Variants in ZNF814 observed in about 807,000 individuals in gnomAD.
ZNF814 encodes zinc finger protein 814.
In ZNF814, 5 loss-of-function variants were observed where a neutral mutation model predicts 7.5. The ratio of observed to expected loss-of-function variants is 0.67; its 90% CI spans 0.35 to 1.40. The LOEUF (loss-of-function observed/expected upper bound fraction) is 1.40, where lower values mean the gene tolerates loss of function less well. ZNF814 is among the 40% of genes most tolerant of loss of function. The pLI is 0.04. For missense variants in ZNF814, 962 were observed against 1,018.0 expected, an observed-to-expected ratio of 0.94 and a Z score of 0.75; for synonymous variants, 315 against 340.7, an observed-to-expected ratio of 0.92 and a Z score of 0.83.
Position 57,872,868 on chromosome 19 carries a change from G to A in ZNF814, c.2522C>T (p.Ser841Phe). The stretch of plus-strand genomic sequence containing the variant: ...TGAACTCTGGTGTACAAGGAGGTGA[G>A]ACTTCTTGTTAAATAATTTCCCACA... ...EKCGKLFNKK[S>F]HLLVHQSSHW... The change falls in exon 3 of 3, where the codon TCT (serine) becomes TTT (phenylalanine). Residue 841 changes from serine to phenylalanine, a missense_variant. Ser to Phe is a radical substitution (Grantham distance 155). This residue lies in a region of ZNF814 where 665 missense variants were observed against 551.4 expected (regional missense o/e 1.21). Coordinates refer to ENST00000435989, the MANE Select transcript of ZNF814 (RefSeq NM_001144989.2). 6.2e-7 allele frequency: 1 copy of A among 1,612,536 alleles called. No individual in the cohort carries two copies. Among genetic ancestry groups the A allele is most frequent in the African/African-American group, 1.3e-5 (1 of 74,710 alleles).
chr19:57,894,954 T>G, the ZNF814 span, among the ~76,000 whole-genome samples: 3 of 152,154 alleles, frequency 2.0e-5, no homozygotes, highest in Admixed American at 2.0e-4. Flanking sequence ...GTTCCCAATG[T>G]TTCACAAGCA....
chr19:57,894,673 CAA>C, the ZNF814 span, among the ~76,000 whole-genome samples: 1 of 144,024 alleles, frequency 6.9e-6, no homozygotes, highest in Admixed American at 6.9e-5. Context: ...ACTAAAAATA[CAA>C]AAAAAAAAAT....
the ZNF814 span, among the ~76,000 whole-genome samples, chr19:57,898,342 A>G: frequency 6.6e-6 from 1 of 152,242 alleles, no homozygotes; most frequent in Non-Finnish European, 1.5e-5. Flanking sequence ...ACAGTAAACA[A>G]ATGATGAGAA....
intron 1 of ZNF814, among the ~76,000 whole-genome samples, chr19:57,877,997 T>C (rs1239395346): frequency 6.6e-6 from 1 of 151,532 alleles, no homozygotes; most frequent in African/African-American, 2.4e-5. Context: ...CAACTTCGGC[T>C]CTACTAAAAA....
rs544155318 is a variant in ZNF814 at position 57,887,959 on chromosome 19, T to C, written c.36+808A>G. Among the ~76,000 whole-genome samples the C allele has an allele frequency of 4.6e-5, 7 of 152,368 alleles. No homozygotes were observed. The South Asian group carries it at 1.5e-3, about 32-fold the overall frequency. On this transcript the variant is annotated intron_variant, in intron 1 of 2. Coordinates refer to ENST00000435989, the MANE Select transcript of ZNF814 (RefSeq NM_001144989.2). ...CCATTTATCCTTTTAATTTTTTGCA[T>C]GTTTTTACTTCTGAAGAGTTGTTGC... is the stretch of plus-strand genomic sequence containing the variant.
At chr19:57,882,694 A>C (rs1345261690) in intron 1 of ZNF814, among the ~76,000 whole-genome samples, 1 of 140,488 alleles carries the variant, frequency 7.1e-6, no homozygotes, top group Admixed American at 7.1e-5. Context: ...GAGTCACAGC[A>C]TTACTGAGTG....
upstream of ZNF814, among the ~76,000 whole-genome samples, chr19:57,890,539 G>C (rs2071729571): frequency 6.6e-6 from 1 of 152,124 alleles, no homozygotes; most frequent in African/African-American, 2.4e-5. Flanking sequence ...TGAAATCATA[G>C]GGAGTCAAAG....
rs960556236 is a variant in ZNF814, at chr19:57,870,937, G to C, written c.*1885C>G. On this transcript the variant is annotated 3_prime_UTR_variant, in exon 3 of 3. Transcript: ENST00000435989. ...AGAGGTTGCCGTGAGCCAAGATTAT[G>C]CCACTGCACTCCAGCCTGGGCAACA... The C allele has an allele frequency of 2.0e-5, 3 of 151,558 alleles. No homozygotes were observed. Among genetic ancestry groups the C allele is most frequent in the African/African-American group, 7.3e-5 (3 of 41,210 alleles). 9.4% of individuals were successfully genotyped at this position (151,558 alleles called of 1,614,324 possible). A position where few individuals can be genotyped will look rare whatever the true frequency, so the allele number is the denominator to read the frequency against.
rs923589755 is a variant in ZNF814 at position 57,872,050 on chromosome 19, GA to G, written c.*771del. Among the ~76,000 whole-genome samples the G allele has an allele frequency of 1.3e-5, 2 of 152,102 alleles. 1 individual carries two copies. The highest frequency in any genetic ancestry group is 2.9e-5 in the Non-Finnish European group (2 of 68,018). On this transcript the variant is annotated 3_prime_UTR_variant, in exon 3 of 3. Coordinates refer to ENST00000435989, the MANE Select transcript of ZNF814 (RefSeq NM_001144989.2). Reference sequence around the variant, plus strand: ...CTTAAGCCCAGATCAAGGGTGCAGTGAAATGTGAACACACCACTGCACGCCA... The same window carrying G: ...CTTAAGCCCAGATCAAGGGTGCAGTGAATGTGAACACACCACTGCACGCCA...
At chr19:57,888,728 G>A (rs1283259764) in intron 1 of ZNF814, 39 bp downstream of exon 1, 2 of 1,552,830 alleles carry the variant, frequency 1.3e-6, no homozygotes, top group African/African-American at 1.4e-5. Context: ...TTTGGGTGAC[G>A]ATGAGGTGAC....
the ZNF814 span, among the ~76,000 whole-genome samples, chr19:57,895,796 G>T: frequency 6.6e-6 from 1 of 152,046 alleles, no homozygotes; most frequent in Non-Finnish European, 1.5e-5. Context: ...ACCAGAAAGG[G>T]CGTCCCAATT....
At chr19:57,879,921 C>CT (rs2071638347) in intron 1 of ZNF814, among the ~76,000 whole-genome samples, 2 of 121,316 alleles carry the variant, frequency 1.6e-5, no homozygotes, top group African/African-American at 6.5e-5. Flanking sequence ...GTGAAAAACT[C>CT]TGTCTCTACT....
At chr19:57,875,767 TAAAAA>T (rs931269453) in intron 2 of ZNF814, among the ~76,000 whole-genome samples, 2 of 152,012 alleles carry the variant, frequency 1.3e-5, no homozygotes, top group South Asian at 2.1e-4. Flanking sequence ...GGTCAAAAGT[TAAAAA>T]AGAAAGAGTA....
At chr19:57,883,945 T>C (rs1797403128) in intron 1 of ZNF814, among the ~76,000 whole-genome samples, 1 of 152,012 alleles carries the variant, frequency 6.6e-6, no homozygotes, top group South Asian at 2.1e-4. Flanking sequence ...TTAGTAGAGA[T>C]GGGGTTTCCC....
chr19:57,871,192 C>T lies in ZNF814; in HGVS notation c.*1630G>A, dbSNP rs181103139. On this transcript the variant is annotated 3_prime_UTR_variant, in exon 3 of 3. Transcript: ENST00000435989. ...AGACTTCCCTCAGCCGTACCAAGTA[C>T]AATGCAATATACCTCGTAAAAGAAT... 1 of 152,268 alleles carries T rather than the reference C, an allele frequency of 6.6e-6. No homozygotes were observed. The highest frequency in any genetic ancestry group is 6.5e-5 in the Admixed American group (1 of 15,292). 9.4% of individuals were successfully genotyped at this position (152,268 alleles called of 1,614,324 possible). A position where few individuals can be genotyped will look rare whatever the true frequency, so the allele number is the denominator to read the frequency against.
At chr19:57,880,585 T>C (rs1330924505) in intron 1 of ZNF814, among the ~76,000 whole-genome samples, 1 of 145,698 alleles carries the variant, frequency 6.9e-6, no homozygotes, top group Non-Finnish European at 1.5e-5. Context: ...GCACCCATCA[T>C]ACCCTTAACA....
the ZNF814 span, among the ~76,000 whole-genome samples, chr19:57,899,432 G>C: frequency 6.6e-6 from 1 of 152,124 alleles, no homozygotes; most frequent in Non-Finnish European, 1.5e-5. Flanking sequence ...CAATATTTAG[G>C]AATGAAGGTA....
In ZNF814 at chr19:57,874,095, C is replaced by T. The variant is rs2071582656; in HGVS notation, c.1295G>A (p.Gly432Glu). Residue 432 changes from glycine (G) to glutamate (E), a missense_variant, in exon 3 of 3, where the codon GGA becomes GAA. Physicochemically the swap from Gly to Glu is moderately conservative, Grantham distance 98. Around this residue, in one of 7 missense-constraint regions of ZNF814, gnomAD observed 665 missense variants for 551.4 expected, o/e 1.21. Transcript: ENST00000435989. ...TTCTTCACACCCATAAGGTTTTTCT[C>T]CAGTGTGAAATCGCTGATGTTGAAT... Reference protein sequence around the residue: ...SLIQHQRFHTGEKPYGCEECG... With the variant: ...SLIQHQRFHTEEKPYGCEECG... 6.2e-7 allele frequency: 1 copy of T among 1,603,442 alleles called. No homozygotes were observed. Among genetic ancestry groups the T allele is most frequent in the Non-Finnish European group, 8.5e-7 (1 of 1,174,936 alleles).
intron 1 of ZNF814, among the ~76,000 whole-genome samples, chr19:57,880,961 C>G (rs1568520301): frequency 1.3e-5 from 2 of 152,078 alleles, no homozygotes; most frequent in Non-Finnish European, 2.9e-5. Context: ...AAAAAATCAC[C>G]TTTGTAAGAA....
Sources: allele counts gnomAD v4.1 joint callset (sites outside exome capture counted in the v4.1 genomes callset), GRCh38; gene constraint gnomAD v4.1.1; regional missense constraint gnomAD v4.1.1; transcripts MANE v1.5; gene names NCBI Gene and HGNC (gene_info 2026-07-23, HGNC 2026-07-21).